Variants in KCNIP4 observed in about 807,000 individuals in gnomAD.
The protein encoded by KCNIP4 is Kv channel-interacting protein 4.
KCNIP4 carries 12 observed loss-of-function variants against 34.0 expected under a neutral mutation model. The observed-to-expected ratio is 0.35, with a 90% confidence interval of 0.23 to 0.57. The LOEUF is 0.57. Among genes scored for constraint, KCNIP4 ranks in the 20% least tolerant of loss-of-function variants. The pLI is 0.83. For synonymous variants in KCNIP4, 124 were observed against 102.2 expected (o/e 1.21, Z -1.29); for missense variants, 238 against 311.7 (o/e 0.76, Z 1.78).
At chr4:21,065,120 T>C (rs1029096580) in intron 1 of KCNIP4, among the ~76,000 whole-genome samples, 3 of 152,218 alleles carry the variant, frequency 2.0e-5, no homozygotes, top group Non-Finnish European at 4.4e-5. Context: ...CTCAAGCACG[T>C]AGTCACACCT....
chr4:21,422,339 T>C (rs1271940919), intron 1 of KCNIP4, among the ~76,000 whole-genome samples: 1 of 152,106 alleles, frequency 6.6e-6, no homozygotes, highest in Non-Finnish European at 1.5e-5. Flanking sequence ...TAGCTGGAAT[T>C]ACAGGTGCCT....
chr4:21,071,413 A>G (rs897584825), intron 1 of KCNIP4, among the ~76,000 whole-genome samples: 2 of 152,038 alleles, frequency 1.3e-5, no homozygotes, highest in African/African-American at 4.8e-5. Context: ...GGCAAATTTG[A>G]GCGTCTTTTT....
chr4:21,071,885 A>T (rs1744968416), intron 1 of KCNIP4, among the ~76,000 whole-genome samples: 1 of 152,192 alleles, frequency 6.6e-6, no homozygotes, highest in Middle Eastern at 3.4e-3. Flanking sequence ...GAGTGACAAC[A>T]TGTGGTGTTT....
chr4:21,641,305 G>C (rs1746596559), intron 1 of KCNIP4, among the ~76,000 whole-genome samples: 1 of 152,138 alleles, frequency 6.6e-6, no homozygotes, highest in East Asian at 1.9e-4. Flanking sequence ...CTTGGGTCTG[G>C]TTTACAGATG....
At chr4:21,840,341 C>T (rs1200646268) in intron 1 of KCNIP4, among the ~76,000 whole-genome samples, 4 of 152,044 alleles carry the variant, frequency 2.6e-5, no homozygotes, top group Admixed American at 2.6e-4. Context: ...CCGTAGACGA[C>T]GTTGCACAAG....
chr4:20,878,084 G>T (rs534029287), intron 2 of KCNIP4, among the ~76,000 whole-genome samples: 15 of 152,162 alleles, frequency 9.9e-5, no homozygotes, highest in African/African-American at 3.6e-4. Flanking sequence ...GCCTGCTAAA[G>T]TGATGAAGAC....
intron 1 of KCNIP4, among the ~76,000 whole-genome samples, chr4:21,284,734 TTGTGTGTGTGTG>T (rs10547040): frequency 1.3e-5 from 2 of 149,590 alleles, no homozygotes; most frequent in South Asian, 4.2e-4. Context: ...GTGGGTGCCC[TTGTGTGTGTGTG>T]TGTGTGTGTG....
chr4:21,365,662 T>C (rs543988238), intron 1 of KCNIP4, among the ~76,000 whole-genome samples: 57 of 152,256 alleles, frequency 3.7e-4, no homozygotes, highest in African/African-American at 1.3e-3. Context: ...TATTTTGTTT[T>C]CTCACCCAAT....
intron 1 of KCNIP4, among the ~76,000 whole-genome samples, chr4:21,506,698 T>C (rs1039081495): frequency 2.0e-5 from 3 of 152,246 alleles, no homozygotes; most frequent in Admixed American, 6.5e-5. Flanking sequence ...CATTGTTCCA[T>C]TAAATATAAT....
chr4:21,651,205 C>A (rs369872912), intron 1 of KCNIP4, among the ~76,000 whole-genome samples: 2 of 152,164 alleles, frequency 1.3e-5, no homozygotes, highest in African/African-American at 4.8e-5. Flanking sequence ...GGATATTCTA[C>A]AAGAGCATGG....
intron 1 of KCNIP4, among the ~76,000 whole-genome samples, chr4:21,806,556 C>T (rs1721310541): frequency 6.6e-6 from 1 of 152,150 alleles, no homozygotes; most frequent in Admixed American, 6.6e-5. Flanking sequence ...TATACTCTTT[C>T]AATAAATATG....
At chr4:21,264,040 G>C (rs1761640286) in intron 1 of KCNIP4, among the ~76,000 whole-genome samples, 1 of 152,000 alleles carries the variant, frequency 6.6e-6, no homozygotes, top group Admixed American at 6.6e-5. Flanking sequence ...CAAATCGTTA[G>C]TGGTGAAGGC....
chr4:20,942,825 C>T (rs1208359311), intron 1 of KCNIP4, among the ~76,000 whole-genome samples: 1 of 151,980 alleles, frequency 6.6e-6, no homozygotes, highest in African/African-American at 2.4e-5. Context: ...GCGCACACCA[C>T]CATGCCCAGC....
intron 1 of KCNIP4, among the ~76,000 whole-genome samples, chr4:21,131,381 G>A (rs535871815): frequency 4.6e-5 from 7 of 152,202 alleles, no homozygotes; most frequent in South Asian, 4.2e-4. Flanking sequence ...CAGGGCAGTC[G>A]GGTGGATCAC....
At chr4:21,744,207 G>A (rs900868642) in intron 1 of KCNIP4, among the ~76,000 whole-genome samples, 7 of 152,062 alleles carry the variant, frequency 4.6e-5, no homozygotes, top group African/African-American at 1.7e-4. Flanking sequence ...GTGAGGACTT[G>A]GTCTTTGCTC....
intron 1 of KCNIP4, among the ~76,000 whole-genome samples, chr4:21,458,018 G>A (rs368545856): frequency 1.3e-5 from 2 of 151,216 alleles, no homozygotes; most frequent in African/African-American, 2.4e-5. Context: ...TATACTTTAA[G>A]TTTTAGGGTA....
chr4:20,787,481 T>C (rs1444651602), intron 3 of KCNIP4, among the ~76,000 whole-genome samples: 1 of 152,148 alleles, frequency 6.6e-6, no homozygotes. Context: ...CCTCCTCTTC[T>C]CATATTGATT....
At chr4:20,946,674 G>GT (rs1257085867) in intron 1 of KCNIP4, among the ~76,000 whole-genome samples, 1 of 152,070 alleles carries the variant, frequency 6.6e-6, no homozygotes, top group Non-Finnish European at 1.5e-5. Context: ...CTCCCTTCAG[G>GT]TTTTTATCAA....
chr4:20,935,930 G>A (rs1731012821), intron 1 of KCNIP4, among the ~76,000 whole-genome samples: 1 of 152,154 alleles, frequency 6.6e-6, no homozygotes, highest in Admixed American at 6.6e-5. Context: ...CAATGTATCT[G>A]ATAGTGTTTA....
Sources: gnomAD v4.1 joint callset for allele counts (sites outside exome capture counted in the v4.1 genomes callset) on GRCh38, gnomAD v4.1.1 for gene constraint, MANE v1.5 for transcripts, NCBI Gene and HGNC (gene_info 2026-07-23, HGNC 2026-07-21) for gene names.